Variants in DOK6 observed in about 807,000 individuals in gnomAD.
DOK6 encodes the protein downstream of tyrosine kinase 6.
In DOK6, 22 loss-of-function variants were observed where a neutral mutation model predicts 44.0. The observed-to-expected ratio is 0.50, with a 90% CI of 0.36 to 0.71. DOK6 has a LOEUF of 0.71. Among genes scored for constraint, DOK6 ranks in the 30% least tolerant of loss-of-function variants. DOK6 has a pLI of 0.00. For synonymous variants in DOK6, 166 were observed against 145.5 expected (o/e 1.14, Z -1.01); for missense variants, 340 against 416.4 (o/e 0.82, Z 1.60).
chr18:69,657,452 C>T (rs1985397884), intron 3 of DOK6, among the ~76,000 whole-genome samples: 1 of 152,000 alleles, frequency 6.6e-6, no homozygotes, highest in Admixed American at 6.6e-5. Context: ...TTGAAGCTGA[C>T]CACAAGGTCA....
intron 1 of DOK6, among the ~76,000 whole-genome samples, chr18:69,563,262 A>G (rs533050105): frequency 6.6e-6 from 1 of 152,316 alleles, no homozygotes; most frequent in Admixed American, 6.5e-5. Flanking sequence ...AGGGATCTAG[A>G]ACTAGAACTG....
intron 7 of DOK6, among the ~76,000 whole-genome samples, chr18:69,822,293 C>T (rs887030658): frequency 1.3e-5 from 2 of 152,188 alleles, no homozygotes; most frequent in Non-Finnish European, 2.9e-5. Context: ...TTTTACCCTA[C>T]TTATAAGCTA....
At chr18:69,735,427 A>G (rs1978571752) in intron 5 of DOK6, among the ~76,000 whole-genome samples, 1 of 152,250 alleles carries the variant, frequency 6.6e-6, no homozygotes, top group South Asian at 2.1e-4. Flanking sequence ...ACAGTGAGAA[A>G]TAAGATTAAA....
chr18:69,703,100 A>G (rs1986557586), intron 5 of DOK6, among the ~76,000 whole-genome samples: 1 of 152,102 alleles, frequency 6.6e-6, no homozygotes, highest in Admixed American at 6.5e-5. Flanking sequence ...GATTTACCAG[A>G]TTAGATACAC....
At chr18:69,475,181 C>T (rs1424388781) in intron 1 of DOK6, among the ~76,000 whole-genome samples, 1 of 152,106 alleles carries the variant, frequency 6.6e-6, no homozygotes, top group Non-Finnish European at 1.5e-5. Context: ...ATTTGTATAA[C>T]ATATTCCACC....
intron 4 of DOK6, among the ~76,000 whole-genome samples, chr18:69,681,813 T>C (rs1986051266): frequency 6.6e-6 from 1 of 152,220 alleles, no homozygotes; most frequent in Admixed American, 6.5e-5. Flanking sequence ...ATAGCAAAAG[T>C]GAACGTCGTA....
chr18:69,759,221 T>C (rs1234756619), intron 7 of DOK6, among the ~76,000 whole-genome samples: 1 of 152,218 alleles, frequency 6.6e-6, no homozygotes, highest in Non-Finnish European at 1.5e-5. Flanking sequence ...GAGTATCTTA[T>C]GCTTTTATTT....
At chr18:69,727,989 C>G (rs954223929) in intron 5 of DOK6, among the ~76,000 whole-genome samples, 1 of 152,198 alleles carries the variant, frequency 6.6e-6, no homozygotes, top group African/African-American at 2.4e-5. Flanking sequence ...ATTCAAGCCT[C>G]GTCTGGTCTG....
chr18:69,822,759 A>T (rs1981613379), intron 7 of DOK6, among the ~76,000 whole-genome samples: 1 of 152,220 alleles, frequency 6.6e-6, no homozygotes, highest in African/African-American at 2.4e-5. Flanking sequence ...TCTATCAAAA[A>T]ACGTTCATTT....
At chr18:69,445,631 C>T (rs371057472) in intron 1 of DOK6, among the ~76,000 whole-genome samples, 1 of 152,126 alleles carries the variant, frequency 6.6e-6, no homozygotes, top group East Asian at 1.9e-4. Context: ...ACCACTCTTT[C>T]ATTTCTAAAA....
chr18:69,607,374 A>G (rs1984027515), intron 3 of DOK6, among the ~76,000 whole-genome samples: 1 of 152,250 alleles, frequency 6.6e-6, no homozygotes, highest in Admixed American at 6.5e-5. Context: ...AAGTTTAAAA[A>G]TTAACAAAAA....
rs112708372 is a variant in DOK6 at position 69,405,939 on chromosome 18, A to G, written c.66+4629A>G. The stretch of plus-strand genomic sequence containing the variant: ...GTTTCAGTCTTTACTTGTCTAGAAT[A>G]TTGTGAATCCTGGACATTGTTTTCT... On this transcript the variant is annotated intron_variant, in intron 1 of 7. Coordinates refer to ENST00000382713, the MANE Select transcript of DOK6 (RefSeq NM_152721.6). 8.5e-3 allele frequency among the ~76,000 whole-genome samples: 1,293 copies of G among 152,334 alleles called. 18 individuals are homozygous for G. Among genetic ancestry groups the G allele is most frequent in the African/African-American group, 0.029 (1,213 of 41,580 alleles).
At chr18:69,520,599 G>A (rs1291401085) in intron 1 of DOK6, among the ~76,000 whole-genome samples, 5 of 151,804 alleles carry the variant, frequency 3.3e-5, no homozygotes, top group Non-Finnish European at 7.4e-5. Flanking sequence ...TAACACAAAC[G>A]TTGTTTCATG....
chr18:69,641,096 G>T (rs1023395431), intron 3 of DOK6, among the ~76,000 whole-genome samples: 4 of 151,830 alleles, frequency 2.6e-5, no homozygotes, highest in Admixed American at 2.0e-4. Context: ...CGTGCCTGTA[G>T]TCCCAGTTAC....
chr18:69,584,338 G>A (rs566038126), intron 2 of DOK6, among the ~76,000 whole-genome samples: 2 of 152,088 alleles, frequency 1.3e-5, no homozygotes, highest in Admixed American at 6.5e-5. Flanking sequence ...CCAAGCTGGA[G>A]TGCAGTGGCA....
chr18:69,509,423 G>A (rs1981287835), intron 1 of DOK6, among the ~76,000 whole-genome samples: 1 of 151,930 alleles, frequency 6.6e-6, no homozygotes, highest in Non-Finnish European at 1.5e-5. Flanking sequence ...GGATCACGAG[G>A]TCAGGAGATC....
At chr18:69,700,544 T>G (rs1019221423) in intron 5 of DOK6, among the ~76,000 whole-genome samples, 1 of 152,208 alleles carries the variant, frequency 6.6e-6, no homozygotes, top group African/African-American at 2.4e-5. Flanking sequence ...GGTATCTATT[T>G]TTTTCCCTCT....
At chr18:69,550,828 G>A (rs1413069093) in intron 1 of DOK6, among the ~76,000 whole-genome samples, 3 of 138,958 alleles carry the variant, frequency 2.2e-5, no homozygotes, top group African/African-American at 8.4e-5. Flanking sequence ...CCCTCACCCA[G>A]TCTGGAGTGC....
intron 5 of DOK6, among the ~76,000 whole-genome samples, chr18:69,703,281 G>C (rs1468875068): frequency 6.6e-6 from 1 of 152,142 alleles, no homozygotes; most frequent in African/African-American, 2.4e-5. Flanking sequence ...AACCCAATTA[G>C]ATATTATGAT....
Sources: allele counts gnomAD v4.1 joint callset (sites outside exome capture counted in the v4.1 genomes callset), GRCh38; gene constraint gnomAD v4.1.1; transcripts MANE v1.5; gene names NCBI Gene and HGNC (gene_info 2026-07-23, HGNC 2026-07-21).